Variants in SKIC3 observed in about 807,000 individuals in gnomAD.
SKIC3 encodes the protein superkiller complex protein 3.
chr5:95,532,177 A>G, the SKIC3 span, among the ~76,000 whole-genome samples: 1 of 152,184 alleles, frequency 6.6e-6, no homozygotes, highest in Non-Finnish European at 1.5e-5. Flanking sequence ...AAAATCATGC[A>G]TCTCTCCAGT....
chr5:95,464,607 T>G, the SKIC3 span: 16 of 1,609,840 alleles, frequency 9.9e-6, 1 homozygote, highest in South Asian at 1.1e-4. Context: ...TAATCCAATG[T>G]TATTGTGAGG....
the SKIC3 span, among the ~76,000 whole-genome samples, chr5:95,479,123 G>C: frequency 6.6e-6 from 1 of 152,134 alleles, no homozygotes; most frequent in South Asian, 2.1e-4. Context: ...CAAAGAATAA[G>C]TGAATTTAGC....
chr5:95,494,937 A>G, the SKIC3 span: 1 of 1,612,144 alleles, frequency 6.2e-7, no homozygotes, highest in African/African-American at 1.3e-5. Context: ...TAAATTCAAC[A>G]TTTCCTTTGT....
chr5:95,523,159 T>C, the SKIC3 span: 1 of 1,612,188 alleles, frequency 6.2e-7, no homozygotes, highest in South Asian at 1.1e-5. Context: ...TAAGGAACCG[T>C]TATGCTTGTC....
At chr5:95,510,983 A>G in the SKIC3 span, among the ~76,000 whole-genome samples, 1 of 152,242 alleles carries the variant, frequency 6.6e-6, no homozygotes, top group Admixed American at 6.5e-5. Context: ...ATTATTTAAC[A>G]AAGTACACTG....
the SKIC3 span, among the ~76,000 whole-genome samples, chr5:95,492,527 C>T: frequency 7.1e-6 from 1 of 141,662 alleles, no homozygotes; most frequent in African/African-American, 2.5e-5. Context: ...GTCCCAGCTA[C>T]TTGGGAGGCT....
At chr5:95,476,912 C>A in the SKIC3 span, among the ~76,000 whole-genome samples, 1 of 152,208 alleles carries the variant, frequency 6.6e-6, no homozygotes, top group South Asian at 2.1e-4. Context: ...TAGAACCTAG[C>A]GCAGACTAAG....
At chr5:95,467,889 T>C in the SKIC3 span, 22 of 1,613,670 alleles carry the variant, frequency 1.4e-5, no homozygotes, top group Middle Eastern at 3.3e-4. Flanking sequence ...TAGTCATCTT[T>C]GGCATATAAG....
At chr5:95,483,678 T>C in the SKIC3 span, among the ~76,000 whole-genome samples, 1 of 152,252 alleles carries the variant, frequency 6.6e-6, no homozygotes, top group Non-Finnish European at 1.5e-5. Context: ...TGAAATACGA[T>C]GTTTTCAGGA....
the SKIC3 span, among the ~76,000 whole-genome samples, chr5:95,526,791 A>T: frequency 2.0e-5 from 3 of 152,280 alleles, no homozygotes; most frequent in South Asian, 4.1e-4. Context: ...GTTAGTAGCC[A>T]TTAACCCTTG....
the SKIC3 span, among the ~76,000 whole-genome samples, chr5:95,511,366 T>C: frequency 6.6e-6 from 1 of 152,186 alleles, no homozygotes; most frequent in Non-Finnish European, 1.5e-5. Flanking sequence ...TGAGCCGAGA[T>C]TGCGCCACTG....
At chr5:95,554,967 G>T in the SKIC3 span, 54 of 251,548 alleles carry the variant, frequency 2.1e-4, no homozygotes, top group African/African-American at 1.0e-3. Context: ...TACAAACGCC[G>T]AGGCTGCAAT....
chr5:95,520,509 C>A, the SKIC3 span, among the ~76,000 whole-genome samples: 1 of 146,330 alleles, frequency 6.8e-6, no homozygotes, highest in Non-Finnish European at 1.5e-5. Flanking sequence ...ATGCCAGCCA[C>A]TACTAAGAGC....
At chr5:95,544,408 A>G in the SKIC3 span, among the ~76,000 whole-genome samples, 1 of 152,188 alleles carries the variant, frequency 6.6e-6, no homozygotes, top group African/African-American at 2.4e-5. Flanking sequence ...AGTACCAGTG[A>G]GCTTTCTTTC....
At chr5:95,495,968 A>AGT in the SKIC3 span, among the ~76,000 whole-genome samples, 1 of 152,182 alleles carries the variant, frequency 6.6e-6, no homozygotes, top group Admixed American at 6.5e-5. Context: ...CAGAGAGACA[A>AGT]GTGAGCAAGG....
At chr5:95,495,004 G>A in the SKIC3 span, 2 of 1,613,552 alleles carry the variant, frequency 1.2e-6, no homozygotes, top group African/African-American at 2.7e-5. Context: ...CACATTTCCT[G>A]CTACAACACC....
At chr5:95,470,269 C>T in the SKIC3 span, among the ~76,000 whole-genome samples, 1 of 152,150 alleles carries the variant, frequency 6.6e-6, no homozygotes, top group Admixed American at 6.5e-5. Context: ...TGAGCCACCG[C>T]GCCCGGCCAA....
the SKIC3 span, among the ~76,000 whole-genome samples, chr5:95,480,172 C>G: frequency 6.6e-6 from 1 of 151,552 alleles, no homozygotes; most frequent in East Asian, 1.9e-4. Context: ...CTTCATGAAC[C>G]TAGAGTAAGC....
the SKIC3 span, chr5:95,527,980 C>CTA: frequency 6.2e-7 from 1 of 1,612,456 alleles, no homozygotes; most frequent in Admixed American, 1.7e-5. Context: ...TGGAAACTAA[C>CTA]TAGAGTTGAA....
Sources: gnomAD v4.1 joint callset for allele counts (sites outside exome capture counted in the v4.1 genomes callset) on GRCh38, gnomAD v4.1.1 for gene constraint, MANE v1.5 for transcripts, NCBI Gene and HGNC (gene_info 2026-07-23, HGNC 2026-07-21) for gene names.